The following ZC3H12B variants were observed in gnomAD, a reference collection of about 807,000 sequenced individuals.
ZC3H12B encodes zinc finger CCCH-type containing 12B.
ZC3H12B carries 7 observed loss-of-function variants against 43.9 expected under a neutral mutation model. The ratio of observed to expected loss-of-function variants is 0.16; its 90% confidence interval spans 0.09 to 0.30. The LOEUF (loss-of-function observed/expected upper bound fraction) is 0.30. Among genes scored for constraint, ZC3H12B ranks in the 10% least tolerant of loss-of-function variants. The pLI is 1.00. For missense variants in ZC3H12B, 475 were observed against 670.2 expected (o/e 0.71, Z 3.22); for synonymous variants, 222 against 241.7 (o/e 0.92, Z 0.76).
the ZC3H12B span, among the ~76,000 whole-genome samples, chrX:65,118,575 C>T: frequency 2.3e-3 from 255 of 111,223 alleles, 2 homozygotes; most frequent in African/African-American, 7.7e-3. Context: ...GCCTGATTGC[C>T]TCGTCCAGAA....
chrX:65,375,150 G>A (rs2066328202), intron 2 of ZC3H12B, among the ~76,000 whole-genome samples: 1 of 111,500 alleles, frequency 9.0e-6, no homozygotes, highest in Non-Finnish European at 1.9e-5. Context: ...GTGAAACCTT[G>A]CGTTGAACTC....
Position 65,379,925 on chromosome X carries a change from T to C in ZC3H12B, n.295+10927T>C, listed in dbSNP as rs760942426. 9.3e-4 allele frequency among the ~76,000 whole-genome samples: 103 copies of C among 111,278 alleles called. 2 individuals are homozygous for C. The highest frequency in any genetic ancestry group is 1.1e-4 in the Non-Finnish European group (6 of 52,987). ...TTAGAGAAAAAAGAATAAAAAGAAA[T>C]GAGCAAAGCCTCCAAGAAATATGGG... On this transcript the variant is annotated intron_variant and non_coding_transcript_variant, in intron 2 of 5. Coordinates refer to the ZC3H12B transcript ENST00000617377.
chrX:65,440,657 T>G (rs772461985), intron 3 of ZC3H12B, among the ~76,000 whole-genome samples: 5 of 112,497 alleles, frequency 4.4e-5, no homozygotes, highest in African/African-American at 1.6e-4. Flanking sequence ...AAACAGTTTT[T>G]TAAATCTATG....
At chrX:65,035,080 G>A in the ZC3H12B span, among the ~76,000 whole-genome samples, 1 of 112,183 alleles carries the variant, frequency 8.9e-6, no homozygotes, top group African/African-American at 3.2e-5. Flanking sequence ...GAAGTTGGCG[G>A]CGCCACGGAG....
At chrX:65,256,083 T>C in the ZC3H12B span, among the ~76,000 whole-genome samples, 1 of 111,942 alleles carries the variant, frequency 8.9e-6, no homozygotes, top group African/African-American at 3.2e-5. Context: ...CACACAATAA[T>C]AGCAGGAGAC....
chrX:65,408,515 C>T, intron 3 of ZC3H12B: 3 of 1,208,222 alleles, frequency 2.5e-6, no homozygotes, highest in South Asian at 1.8e-5. Flanking sequence ...TCCCCTTACG[C>T]CTCACCCTTC....
At chrX:65,396,173 C>CT (rs2066694684) in intron 2 of ZC3H12B, among the ~76,000 whole-genome samples, 1 of 111,790 alleles carries the variant, frequency 8.9e-6, no homozygotes, top group South Asian at 3.7e-4. Flanking sequence ...TTTCATGTCT[C>CT]TATCTTCTTC....
intron 3 of ZC3H12B, among the ~76,000 whole-genome samples, chrX:65,447,917 C>A (rs1256797246): frequency 9.0e-6 from 1 of 111,224 alleles, no homozygotes; most frequent in Non-Finnish European, 1.9e-5. Flanking sequence ...CCACCTTATC[C>A]CAGCCAGAAT....
At chrX:65,039,812 G>A in the ZC3H12B span, among the ~76,000 whole-genome samples, 2 of 111,456 alleles carry the variant, frequency 1.8e-5, no homozygotes, top group East Asian at 5.6e-4. Flanking sequence ...TGAGTCACTA[G>A]GTTTTTATTT....
At chrX:65,159,601 T>G in the ZC3H12B span, among the ~76,000 whole-genome samples, 1 of 112,142 alleles carries the variant, frequency 8.9e-6, no homozygotes, top group South Asian at 3.7e-4. Flanking sequence ...GTGATATATG[T>G]ACATTGATTT....
chrX:65,093,314 G>A, the ZC3H12B span, among the ~76,000 whole-genome samples: 1 of 112,134 alleles, frequency 8.9e-6, no homozygotes, highest in South Asian at 3.8e-4. Flanking sequence ...GAAATGTGAG[G>A]TTGGAGCACC....
At chrX:65,089,785 CT>C in the ZC3H12B span, among the ~76,000 whole-genome samples, 2 of 110,961 alleles carry the variant, frequency 1.8e-5, no homozygotes, top group Admixed American at 1.9e-4. Flanking sequence ...ACTTTTTAAA[CT>C]TTTTTTTAAA....
At chrX:65,328,127 G>T in the ZC3H12B span, 1 of 238,653 alleles carries the variant, frequency 4.2e-6, no homozygotes. Flanking sequence ...CTCATCCAGC[G>T]GTGTCTAGGC....
At chrX:65,202,112 T>C in the ZC3H12B span, among the ~76,000 whole-genome samples, 1 of 89,562 alleles carries the variant, frequency 1.1e-5, no homozygotes, top group Admixed American at 1.4e-4. Flanking sequence ...TTATATAATA[T>C]ATATTATATG....
At chrX:65,080,784 G>A in the ZC3H12B span, among the ~76,000 whole-genome samples, 1 of 111,244 alleles carries the variant, frequency 9.0e-6, no homozygotes, top group Non-Finnish European at 1.9e-5. Flanking sequence ...TCACCTGAAG[G>A]TACAAAACTC....
At chrX:65,410,118 A>C (rs2066886441) in intron 3 of ZC3H12B, among the ~76,000 whole-genome samples, 1 of 109,609 alleles carries the variant, frequency 9.1e-6, no homozygotes, top group Non-Finnish European at 1.9e-5. Context: ...AAAAAAAAAA[A>C]AAAAAAAACA....
chrX:65,035,430 T>G, the ZC3H12B span, among the ~76,000 whole-genome samples: 124 of 112,386 alleles, frequency 1.1e-3, no homozygotes, highest in African/African-American at 3.8e-3. Context: ...TTCCTTCTCA[T>G]AGCCACCACT....
At chrX:65,452,115 C>A (rs909324038) in intron 3 of ZC3H12B, among the ~76,000 whole-genome samples, 3 of 111,405 alleles carry the variant, frequency 2.7e-5, no homozygotes, top group Admixed American at 9.6e-5. Context: ...CCCCTGAGAA[C>A]TGGAACATGA....
chrX:65,247,884 C>T, the ZC3H12B span, among the ~76,000 whole-genome samples: 1 of 111,857 alleles, frequency 8.9e-6, no homozygotes, highest in East Asian at 2.8e-4. Context: ...TTATAATAAA[C>T]GTTTAAAAAG....
Sources: allele counts gnomAD v4.1 joint callset (sites outside exome capture counted in the v4.1 genomes callset), GRCh38; gene constraint gnomAD v4.1.1; transcripts MANE v1.5; gene names NCBI Gene and HGNC (gene_info 2026-07-23, HGNC 2026-07-21).